The following ZNF385D variants were observed in gnomAD, a reference collection of about 807,000 sequenced individuals.
The protein encoded by ZNF385D is zinc finger protein 385D.
A neutral mutation model predicts 35.8 loss-of-function variants in ZNF385D; 15 were observed. The observed-to-expected ratio is 0.42, with a 90% CI of 0.28 to 0.64. The LOEUF (loss-of-function observed/expected upper bound fraction) is 0.64, where lower values mean the gene tolerates loss of function less well. Among genes scored for constraint, ZNF385D ranks in the 30% least tolerant of loss-of-function variants. ZNF385D has a pLI of 0.23. For missense variants in ZNF385D, 474 were observed against 494.6 expected, an observed-to-expected ratio of 0.96 and a Z score of 0.39; for synonymous variants, 212 against 186.8, an observed-to-expected ratio of 1.13 and a Z score of -1.10.
intron 3 of ZNF385D, among the ~76,000 whole-genome samples, chr3:21,912,304 T>A (rs1002721575): frequency 6.7e-6 from 1 of 148,720 alleles, no homozygotes; most frequent in Non-Finnish European, 1.5e-5. Flanking sequence ...GTTGCAGTAG[T>A]TCTAATAAAT....
chr3:21,696,117 C>T (rs1344127584), intron 1 of ZNF385D, among the ~76,000 whole-genome samples: 3 of 152,310 alleles, frequency 2.0e-5, no homozygotes, highest in Non-Finnish European at 4.4e-5. Flanking sequence ...TTCTCTTTGG[C>T]TCCAAGGCCA....
At chr3:21,819,766 ATAAT>A (rs774972654) in intron 3 of ZNF385D, among the ~76,000 whole-genome samples, 12 of 115,094 alleles carry the variant, frequency 1.0e-4, no homozygotes, top group East Asian at 2.3e-4. Context: ...ATAATTATAT[ATAAT>A]TAATACACAT....
chr3:22,353,784 T>G (rs1696024648), intron 2 of ZNF385D, among the ~76,000 whole-genome samples: 1 of 152,144 alleles, frequency 6.6e-6, no homozygotes, highest in Non-Finnish European at 1.5e-5. Context: ...CACTCTCATC[T>G]TTACACTTTC....
chr3:21,714,836 G>T (rs1318371698), intron 1 of ZNF385D, among the ~76,000 whole-genome samples: 2 of 151,976 alleles, frequency 1.3e-5, no homozygotes, highest in Non-Finnish European at 2.9e-5. Flanking sequence ...AAATTTCATT[G>T]TGTATGTTTA....
At chr3:21,600,090 C>T (rs1427862528) in intron 2 of ZNF385D, among the ~76,000 whole-genome samples, 1 of 152,188 alleles carries the variant, frequency 6.6e-6, no homozygotes, top group Non-Finnish European at 1.5e-5. Context: ...TTACAAATGC[C>T]ATGACAATGT....
chr3:21,934,807 G>T (rs901910998), intron 3 of ZNF385D, among the ~76,000 whole-genome samples: 5 of 152,130 alleles, frequency 3.3e-5, no homozygotes, highest in African/African-American at 1.2e-4. Context: ...AGCTTGTTTT[G>T]CCAGCAAATG....
intron 2 of ZNF385D, among the ~76,000 whole-genome samples, chr3:21,599,464 G>A (rs73033388): frequency 8.5e-5 from 13 of 152,138 alleles, no homozygotes; most frequent in Non-Finnish European, 1.6e-4. Context: ...TTGCATAGGA[G>A]ACAATTTCTC....
chr3:21,926,230 TC>T (rs1392472351), intron 3 of ZNF385D, among the ~76,000 whole-genome samples: 1 of 151,642 alleles, frequency 6.6e-6, no homozygotes, highest in Admixed American at 6.6e-5. Flanking sequence ...GGTTTGCTGC[TC>T]CCATAAACCT....
chr3:22,093,937 C>G (rs1197465401), intron 3 of ZNF385D, among the ~76,000 whole-genome samples: 1 of 152,060 alleles, frequency 6.6e-6, no homozygotes, highest in Non-Finnish European at 1.5e-5. Flanking sequence ...TACTAGCACT[C>G]CAAACAGCTC....
intron 3 of ZNF385D, among the ~76,000 whole-genome samples, chr3:21,862,293 CTTT>C (rs5847143): frequency 7.0e-6 from 1 of 142,892 alleles, no homozygotes. Context: ...GATATCTCTA[CTTT>C]TTTTTTTTTT....
intron 3 of ZNF385D, among the ~76,000 whole-genome samples, chr3:21,934,087 A>G (rs548045545): frequency 6.6e-6 from 1 of 152,296 alleles, no homozygotes; most frequent in African/African-American, 2.4e-5. Flanking sequence ...TCAGTGTAAA[A>G]GAGAATCGAG....
chr3:22,039,687 C>T (rs1258018923), intron 3 of ZNF385D, among the ~76,000 whole-genome samples: 1 of 152,054 alleles, frequency 6.6e-6, no homozygotes, highest in Non-Finnish European at 1.5e-5. Context: ...CATTGCAAAT[C>T]CAGGCAAATT....
chr3:21,996,775 C>T (rs956475364), intron 3 of ZNF385D, among the ~76,000 whole-genome samples: 2 of 152,108 alleles, frequency 1.3e-5, no homozygotes, highest in Non-Finnish European at 2.9e-5. Flanking sequence ...CTATCTTAAC[C>T]TTAGTTATGA....
At chr3:22,120,483 A>T (rs1046566423) in intron 3 of ZNF385D, among the ~76,000 whole-genome samples, 2 of 152,116 alleles carry the variant, frequency 1.3e-5, no homozygotes, top group Non-Finnish European at 2.9e-5. Flanking sequence ...ATAGTGTCAC[A>T]CTGGGGATTA....
At chr3:22,024,483 CAAAAATGCTAA>C (rs1467380290) in intron 3 of ZNF385D, among the ~76,000 whole-genome samples, 1 of 151,734 alleles carries the variant, frequency 6.6e-6, no homozygotes, top group Non-Finnish European at 1.5e-5. Context: ...TGATTAGACT[CAAAAATGCTAA>C]GGACTCTACT....
At chr3:21,859,407 GAA>G (rs35618611) in intron 3 of ZNF385D, among the ~76,000 whole-genome samples, 3 of 136,392 alleles carry the variant, frequency 2.2e-5, no homozygotes, top group East Asian at 2.1e-4. Flanking sequence ...GAAAGTAACA[GAA>G]AAAAAAAAAA....
intron 3 of ZNF385D, among the ~76,000 whole-genome samples, chr3:21,792,642 A>C (rs1370441874): frequency 6.6e-6 from 1 of 152,094 alleles, no homozygotes; most frequent in East Asian, 1.9e-4. Context: ...GCAGATGTCC[A>C]GGGGGCCATG....
intron 2 of ZNF385D, among the ~76,000 whole-genome samples, chr3:21,575,892 A>G (rs2063483163): frequency 6.6e-6 from 1 of 152,200 alleles, no homozygotes; most frequent in Non-Finnish European, 1.5e-5. Context: ...TTGAAACCCA[A>G]TATCTAAACA....
intron 1 of ZNF385D, among the ~76,000 whole-genome samples, chr3:21,737,426 G>T (rs568911731): frequency 1.3e-5 from 2 of 151,510 alleles, no homozygotes; most frequent in East Asian, 1.9e-4. Flanking sequence ...AGGTACACAG[G>T]TTACTTCCAT....
Sources: gnomAD v4.1 joint callset for allele counts (sites outside exome capture counted in the v4.1 genomes callset) on GRCh38, gnomAD v4.1.1 for gene constraint, MANE v1.5 for transcripts, NCBI Gene and HGNC (gene_info 2026-07-23, HGNC 2026-07-21) for gene names.